Variants in CDH13 observed in about 807,000 individuals in gnomAD.
CDH13 encodes the protein cadherin-13.
CDH13 carries 24 observed loss-of-function variants against 63.8 expected under a neutral mutation model. The ratio of observed to expected loss-of-function variants is 0.38; its 90% CI spans 0.27 to 0.53. CDH13 has a LOEUF of 0.53. Among genes scored for constraint, CDH13 ranks in the 20% least tolerant of loss-of-function variants. The probability of loss-of-function intolerance (pLI) is 0.85; values close to 1 mark genes in which losing one functional copy is unlikely to be tolerated. For missense variants in CDH13, 1,049 were observed against 903.1 expected, an observed-to-expected ratio of 1.16 and a Z score of -2.07; for synonymous variants, 503 against 355.3, an observed-to-expected ratio of 1.42 and a Z score of -4.67.
intron 1 of CDH13, among the ~76,000 whole-genome samples, chr16:82,814,032 A>T (rs977373626): frequency 5.9e-5 from 9 of 152,134 alleles, no homozygotes; most frequent in African/African-American, 2.2e-4. Context: ...TGTGGAGTCT[A>T]ACTGCACAAA....
intron 2 of CDH13, among the ~76,000 whole-genome samples, chr16:82,883,676 A>C (rs1188323030): frequency 6.6e-6 from 1 of 152,150 alleles, no homozygotes; most frequent in East Asian, 1.9e-4. Context: ...CATCTTGCTC[A>C]CAGAGCTGCT....
chr16:83,749,458 A>C (rs1912895505), intron 11 of CDH13, among the ~76,000 whole-genome samples: 1 of 152,260 alleles, frequency 6.6e-6, no homozygotes. Flanking sequence ...AAGGGGGCAC[A>C]GCACAGGAGG....
intron 1 of CDH13, among the ~76,000 whole-genome samples, chr16:82,643,510 C>T (rs1597200620): frequency 6.6e-6 from 1 of 152,330 alleles, no homozygotes; most frequent in Middle Eastern, 3.4e-3. Flanking sequence ...CTTCTGGCTA[C>T]ACTGGTTCTT....
At chr16:83,021,054 A>G (rs1915302194) in intron 2 of CDH13, among the ~76,000 whole-genome samples, 1 of 152,200 alleles carries the variant, frequency 6.6e-6, no homozygotes, top group African/African-American at 2.4e-5. Context: ...GACGTGTGCC[A>G]GTCATGAAAA....
At chr16:82,963,505 C>G (rs576549508) in intron 2 of CDH13, among the ~76,000 whole-genome samples, 1 of 152,348 alleles carries the variant, frequency 6.6e-6, no homozygotes, top group East Asian at 1.9e-4. Flanking sequence ...ACACACTCCC[C>G]TCTAACTCCA....
intron 1 of CDH13, among the ~76,000 whole-genome samples, chr16:82,718,749 A>G (rs2032562228): frequency 6.6e-6 from 1 of 152,136 alleles, no homozygotes; most frequent in Non-Finnish European, 1.5e-5. Context: ...ATCTCGTGAG[A>G]CGATCACAAG....
intron 2 of CDH13, among the ~76,000 whole-genome samples, chr16:82,865,496 G>T (rs62035202): frequency 0.066 from 10,029 of 152,244 alleles, 428 homozygotes; most frequent in Middle Eastern, 0.092. Flanking sequence ...CTAGGCTTGG[G>T]GCTTGCACCC....
intron 1 of CDH13, among the ~76,000 whole-genome samples, chr16:82,786,876 T>C (rs1270348905): frequency 2.0e-5 from 3 of 152,114 alleles, no homozygotes; most frequent in Admixed American, 6.5e-5. Flanking sequence ...GGTGTGTATG[T>C]GCCACATAGA....
chr16:83,339,951 A>G (rs1237861021), intron 5 of CDH13, among the ~76,000 whole-genome samples: 1 of 152,194 alleles, frequency 6.6e-6, no homozygotes, highest in Non-Finnish European at 1.5e-5. Flanking sequence ...ATTTCATCTC[A>G]ATGGAGGAAA....
chr16:83,161,099 C>G (rs767713142), intron 4 of CDH13, among the ~76,000 whole-genome samples: 11 of 152,188 alleles, frequency 7.2e-5, no homozygotes, highest in Non-Finnish European at 1.6e-4. Context: ...AGATTGGCAA[C>G]CCTTCCTGAA....
At chr16:83,006,244 C>T (rs1913480272) in intron 2 of CDH13, among the ~76,000 whole-genome samples, 1 of 152,178 alleles carries the variant, frequency 6.6e-6, no homozygotes, top group Non-Finnish European at 1.5e-5. Flanking sequence ...TGACCATGAG[C>T]TTAGTGCCAT....
intron 8 of CDH13, among the ~76,000 whole-genome samples, chr16:83,628,823 T>C (rs1256552956): frequency 6.6e-6 from 1 of 152,210 alleles, no homozygotes; most frequent in African/African-American, 2.4e-5. Context: ...AAAACCAAAA[T>C]TGCTCAATCT....
At chr16:82,854,400 C>CAAA (rs66969029) in intron 1 of CDH13, among the ~76,000 whole-genome samples, 26,970 of 111,556 alleles carry the variant, frequency 0.24, 4,141 homozygotes, top group Non-Finnish European at 0.29. Context: ...GGCTCTGTCT[C>CAAA]AAAAAAAAAA....
At chr16:83,307,663 T>A (rs2089910123) in intron 5 of CDH13, among the ~76,000 whole-genome samples, 1 of 152,192 alleles carries the variant, frequency 6.6e-6, no homozygotes, top group Non-Finnish European at 1.5e-5. Context: ...AGGGGCATGA[T>A]TTAGCTATGT....
intron 7 of CDH13, among the ~76,000 whole-genome samples, chr16:83,541,341 C>G (rs561726766): frequency 6.6e-6 from 1 of 152,290 alleles, no homozygotes; most frequent in East Asian, 1.9e-4. Flanking sequence ...ACTTCATTAT[C>G]CTTTACCAAA....
chr16:82,889,406 T>C (rs929279493), intron 2 of CDH13, among the ~76,000 whole-genome samples: 2 of 152,200 alleles, frequency 1.3e-5, no homozygotes, highest in African/African-American at 2.4e-5. Flanking sequence ...ACAAATGACT[T>C]AAGGCAACTC....
intron 4 of CDH13, among the ~76,000 whole-genome samples, chr16:83,213,403 C>T (rs998792066): frequency 6.6e-6 from 1 of 152,114 alleles, no homozygotes; most frequent in Non-Finnish European, 1.5e-5. Flanking sequence ...TCCCAAGAGG[C>T]CCATTCCCCC....
intron 11 of CDH13, among the ~76,000 whole-genome samples, chr16:83,765,762 C>T (rs1597200252): frequency 6.6e-6 from 1 of 150,562 alleles, no homozygotes; most frequent in Non-Finnish European, 1.5e-5. Flanking sequence ...TAGAAGACTC[C>T]TGGTTCACTT....
intron 2 of CDH13, among the ~76,000 whole-genome samples, chr16:83,000,650 C>G (rs1444329936): frequency 6.9e-6 from 1 of 145,050 alleles, no homozygotes; most frequent in Non-Finnish European, 1.5e-5. Flanking sequence ...AGTGCAGTGG[C>G]GCAACTGCAA....
Sources: allele counts gnomAD v4.1 joint callset (sites outside exome capture counted in the v4.1 genomes callset), GRCh38; gene constraint gnomAD v4.1.1; transcripts MANE v1.5; gene names NCBI Gene and HGNC (gene_info 2026-07-23, HGNC 2026-07-21).